Variants in FBXO34 observed in about 807,000 individuals in gnomAD.
FBXO34 encodes F-box protein 34.
FBXO34 carries 12 observed loss-of-function variants against 24.5 expected under a neutral mutation model. The observed-to-expected ratio is 0.49, with a 90% CI of 0.31 to 0.79. The LOEUF (loss-of-function observed/expected upper bound fraction) is 0.79, where lower values mean the gene tolerates loss of function less well. Ranked by LOEUF, FBXO34 falls within the 30% of genes least tolerant of loss-of-function variation. FBXO34 has a pLI of 0.04. For missense variants in FBXO34, 823 were observed against 857.7 expected, an observed-to-expected ratio of 0.96 and a Z score of 0.51; for synonymous variants, 320 against 311.9, an observed-to-expected ratio of 1.03 and a Z score of -0.27.
At chr14:55,389,139 G>A in the FBXO34 span, among the ~76,000 whole-genome samples, 1 of 152,174 alleles carries the variant, frequency 6.6e-6, no homozygotes, top group Non-Finnish European at 1.5e-5. Context: ...AATTCTTTGT[G>A]GTGGTTGTTT....
intron 1 of FBXO34, among the ~76,000 whole-genome samples, chr14:55,319,282 C>T (rs1267785254): frequency 6.6e-6 from 1 of 152,162 alleles, no homozygotes. Flanking sequence ...CTGTACCTAT[C>T]ATACAGTGTA....
chr14:55,295,190 C>G (rs1175286073), intron 1 of FBXO34, among the ~76,000 whole-genome samples: 3 of 152,076 alleles, frequency 2.0e-5, no homozygotes, highest in African/African-American at 7.2e-5. Context: ...TGGAAAAAAC[C>G]TCTAGGTTTG....
the FBXO34 span, among the ~76,000 whole-genome samples, chr14:55,415,494 C>T: frequency 2.6e-5 from 4 of 152,142 alleles, no homozygotes; most frequent in African/African-American, 7.2e-5. Context: ...AAAAATACTA[C>T]GCACTTTCAT....
At chr14:55,320,782 G>A (rs1331016065) in intron 1 of FBXO34, among the ~76,000 whole-genome samples, 1 of 152,134 alleles carries the variant, frequency 6.6e-6, no homozygotes, top group Non-Finnish European at 1.5e-5. Context: ...GTTTTAAGGT[G>A]AGAAAGTTGA....
chr14:55,409,606 A>C, the FBXO34 span, among the ~76,000 whole-genome samples: 3 of 152,152 alleles, frequency 2.0e-5, no homozygotes, highest in African/African-American at 7.2e-5. Flanking sequence ...TCTGAGAGAA[A>C]GAGTTCCTGG....
the FBXO34 span, chr14:55,414,379 T>G: frequency 6.3e-7 from 1 of 1,599,368 alleles, no homozygotes; most frequent in Non-Finnish European, 8.5e-7. Flanking sequence ...AATGATATGC[T>G]CAGGCTTTTT....
intron 1 of FBXO34, among the ~76,000 whole-genome samples, chr14:55,311,368 T>C (rs1200319564): frequency 1.3e-5 from 2 of 152,106 alleles, no homozygotes; most frequent in Non-Finnish European, 2.9e-5. Flanking sequence ...AAGATAAGAG[T>C]TGGGTGGGAA....
At chr14:55,323,248 T>TTTTTTA (rs1480368099) in intron 1 of FBXO34, among the ~76,000 whole-genome samples, 1 of 87,786 alleles carries the variant, frequency 1.1e-5, no homozygotes, top group African/African-American at 7.5e-5. Context: ...TTTTTTTTTT[T>TTTTTTA]AGAGACAGAG....
intron 1 of FBXO34, 102 bp from the exon 2 acceptor site, chr14:55,350,279 G>GT: frequency 2.6e-6 from 2 of 768,158 alleles, no homozygotes. Flanking sequence ...GGTAGAACAT[G>GT]TTTTTCTTAG....
intron 1 of FBXO34, among the ~76,000 whole-genome samples, chr14:55,331,038 G>A (rs1044806528): frequency 2.0e-5 from 3 of 152,170 alleles, no homozygotes; most frequent in Non-Finnish European, 2.9e-5. Flanking sequence ...CTCCCAAACT[G>A]TGGGATTTGA....
At chr14:55,320,650 C>T (rs973476484) in intron 1 of FBXO34, among the ~76,000 whole-genome samples, 6 of 151,948 alleles carry the variant, frequency 3.9e-5, no homozygotes, top group African/African-American at 7.2e-5. Flanking sequence ...CCCAGCTACC[C>T]GGGAGGCTGA....
At chr14:55,275,721 G>A (rs1445114788) in intron 1 of FBXO34, among the ~76,000 whole-genome samples, 1 of 151,124 alleles carries the variant, frequency 6.6e-6, no homozygotes, top group African/African-American at 2.4e-5. Flanking sequence ...CTACTTGGGA[G>A]GCTGAGGCAG....
chr14:55,350,301 C>T (rs1326248404), intron 1 of FBXO34, 80 bp from the exon 2 acceptor site: 2 of 1,028,000 alleles, frequency 1.9e-6, no homozygotes, highest in Non-Finnish European at 2.7e-6. Context: ...TGCTAAGAAC[C>T]ATCTGAGCTT....
intron 1 of FBXO34, among the ~76,000 whole-genome samples, chr14:55,272,692 G>A (rs2139613267): frequency 1.3e-5 from 2 of 151,902 alleles, no homozygotes; most frequent in South Asian, 4.2e-4. Context: ...AATTACCTGA[G>A]GAGTTAATTT....
the FBXO34 span, among the ~76,000 whole-genome samples, chr14:55,408,536 C>G: frequency 6.6e-6 from 1 of 152,164 alleles, no homozygotes; most frequent in Non-Finnish European, 1.5e-5. Flanking sequence ...CTTTGGGAGG[C>G]TGAGGCAGGA....
chr14:55,374,242 C>T (rs138389953), downstream of FBXO34, among the ~76,000 whole-genome samples: 30 of 152,060 alleles, frequency 2.0e-4, no homozygotes, highest in African/African-American at 7.0e-4. Context: ...ATGGGGGTCT[C>T]ACTGTGTTGC....
At chr14:55,431,919 A>G in the FBXO34 span, among the ~76,000 whole-genome samples, 1 of 152,220 alleles carries the variant, frequency 6.6e-6, no homozygotes, top group African/African-American at 2.4e-5. Context: ...CATCTAGAGA[A>G]AGCTCTAAGT....
the FBXO34 span, among the ~76,000 whole-genome samples, chr14:55,394,645 T>C: frequency 2.6e-5 from 4 of 152,126 alleles, no homozygotes; most frequent in Admixed American, 2.6e-4. Flanking sequence ...ACCAAAGAGC[T>C]CACAGAGTGC....
chr14:55,399,349 G>T, the FBXO34 span, among the ~76,000 whole-genome samples: 1 of 152,148 alleles, frequency 6.6e-6, no homozygotes, highest in African/African-American at 2.4e-5. Flanking sequence ...TGACTTACCG[G>T]ATGGTGTACA....
Sources: allele counts gnomAD v4.1 joint callset (sites outside exome capture counted in the v4.1 genomes callset), GRCh38; gene constraint gnomAD v4.1.1; transcripts MANE v1.5; gene names NCBI Gene and HGNC (gene_info 2026-07-23, HGNC 2026-07-21).